The following ANKRD26 variants were observed in gnomAD, a reference collection of about 807,000 sequenced individuals.
ANKRD26 encodes the protein ankyrin repeat domain-containing protein 26.
ANKRD26 carries 141 observed loss-of-function variants against 208.7 expected under a neutral mutation model. The ratio of observed to expected loss-of-function variants is 0.68; its 90% CI spans 0.59 to 0.78. ANKRD26 has a LOEUF of 0.78. Among genes scored for constraint, ANKRD26 ranks in the 30% least tolerant of loss-of-function variants. ANKRD26 has a pLI of 0.00. For synonymous variants in ANKRD26, 636 were observed against 660.4 expected, an observed-to-expected ratio of 0.96 and a Z score of 0.57; for missense variants, 1,889 against 1,938.7, an observed-to-expected ratio of 0.97 and a Z score of 0.48.
At chr10:27,032,965 C>T (rs1169689135) in intron 25 of ANKRD26, among the ~76,000 whole-genome samples, 1 of 151,310 alleles carries the variant, frequency 6.6e-6, no homozygotes, top group African/African-American at 2.4e-5. Context: ...GTCCCAGCTA[C>T]TCGGGAGGCT....
At chr10:26,962,474 C>T in the ANKRD26 span, among the ~76,000 whole-genome samples, 3 of 152,054 alleles carry the variant, frequency 2.0e-5, no homozygotes, top group African/African-American at 7.2e-5. Context: ...ACTCGGTAGG[C>T]TGAGGCAGGA....
At chr10:27,093,603 T>C (rs1305632021) in intron 2 of ANKRD26, 81 bp from the exon 3 acceptor site, 3 of 1,595,776 alleles carry the variant, frequency 1.9e-6, no homozygotes, top group South Asian at 2.2e-5. Flanking sequence ...CAATTAGTTA[T>C]ATTTTAATGA....
chr10:27,056,526 C>A (rs2054845419), intron 15 of ANKRD26, among the ~76,000 whole-genome samples: 1 of 151,562 alleles, frequency 6.6e-6, no homozygotes. Flanking sequence ...GCCTGTAATC[C>A]CCACAATTTG....
At chr10:26,982,037 T>G (rs1050188832) in intron 4 of ANKRD26, among the ~76,000 whole-genome samples, 1 of 152,204 alleles carries the variant, frequency 6.6e-6, no homozygotes, top group Non-Finnish European at 1.5e-5. Context: ...CATGTTTTTG[T>G]CTGGCTCAGT....
At chr10:27,098,938 A>G (rs1275520735) in intron 1 of ANKRD26, among the ~76,000 whole-genome samples, 1 of 152,198 alleles carries the variant, frequency 6.6e-6, no homozygotes, top group Non-Finnish European at 1.5e-5. Context: ...TTGAGATACC[A>G]AAGTATATCC....
chr10:26,966,224 A>G, the ANKRD26 span, among the ~76,000 whole-genome samples: 1 of 152,210 alleles, frequency 6.6e-6, no homozygotes, highest in Non-Finnish European at 1.5e-5. Context: ...AAAGACATGG[A>G]ACCAACCCAA....
At chr10:26,949,388 T>C in the ANKRD26 span, among the ~76,000 whole-genome samples, 1 of 152,042 alleles carries the variant, frequency 6.6e-6, no homozygotes, top group Non-Finnish European at 1.5e-5. Context: ...CATGACATCA[T>C]ATGACCTTGA....
chr10:27,036,170 G>A (rs774535420), intron 23 of ANKRD26, among the ~76,000 whole-genome samples: 1 of 152,002 alleles, frequency 6.6e-6, no homozygotes, highest in Non-Finnish European at 1.5e-5. Flanking sequence ...GAAATTTCCT[G>A]AAGTTTTTCA....
chr10:27,088,215 A>T (rs2056184446), intron 4 of ANKRD26: 1 of 152,240 alleles, frequency 6.6e-6, no homozygotes, highest in African/African-American at 2.4e-5. Context: ...AGATCACCTT[A>T]CATGAATATT....
At chr10:27,093,905 G>T in intron 1 of ANKRD26, 106 bp from the exon 2 acceptor site, 1 of 901,050 alleles carries the variant, frequency 1.1e-6, no homozygotes. Flanking sequence ...TGGTTTGGCT[G>T]TGTCCCCACC....
chr10:27,092,073 C>T (rs1253170886), intron 4 of ANKRD26, among the ~76,000 whole-genome samples: 1 of 151,756 alleles, frequency 6.6e-6, no homozygotes, highest in Non-Finnish European at 1.5e-5. Flanking sequence ...TAACAGATCA[C>T]ATGGCCAAAA....
chr10:27,099,987 G>A lies in ANKRD26; in HGVS notation c.242+98C>T, dbSNP rs550846061. 54 of 1,588,702 alleles carry A rather than the reference G, an allele frequency of 3.4e-5. No homozygotes were observed. The South Asian group carries it at 5.6e-4, about 16-fold the overall frequency. On this transcript the variant is annotated intron_variant, in intron 1 of 33. Coordinates refer to ENST00000376087, the MANE Select transcript of ANKRD26 (RefSeq NM_014915.3). The stretch of plus-strand genomic sequence containing the variant: ...GTCCCAGGGGCTACGGAGCCCGCGG[G>A]AGGCTGATCCAGGCCCTGGGTGGCT...
At chr10:27,046,214 A>C in intron 18 of ANKRD26, 139 bp downstream of exon 18, 5 of 905,326 alleles carry the variant, frequency 5.5e-6, no homozygotes, top group Non-Finnish European at 8.5e-6. Context: ...TGTCAAAGTC[A>C]CTTGTCCTCA....
chr10:27,000,099 C>T (rs886156242), downstream of ANKRD26, among the ~76,000 whole-genome samples: 1 of 151,652 alleles, frequency 6.6e-6, no homozygotes, highest in African/African-American at 2.4e-5. Flanking sequence ...CTGAAACTCA[C>T]AGGAAAAAAG....
At chr10:26,964,210 G>T in the ANKRD26 span, among the ~76,000 whole-genome samples, 1 of 152,030 alleles carries the variant, frequency 6.6e-6, no homozygotes, top group East Asian at 1.9e-4. Flanking sequence ...TGCCTGGCCT[G>T]TTGTATTGTG....
intron 12 of ANKRD26, among the ~76,000 whole-genome samples, chr10:27,062,805 T>C (rs1159958991): frequency 2.0e-5 from 3 of 151,846 alleles, no homozygotes. Flanking sequence ...TCTTGCTCTG[T>C]TGCCCAGGCT....
chr10:26,982,105 ATG>A (rs2134625933), intron 4 of ANKRD26, among the ~76,000 whole-genome samples: 1 of 152,296 alleles, frequency 6.6e-6, no homozygotes. Context: ...GCAGTCAGAT[ATG>A]TGTTTGTCTC....
At chr10:27,065,303 T>C (rs550311064) in intron 11 of ANKRD26, among the ~76,000 whole-genome samples, 256 of 152,280 alleles carry the variant, frequency 1.7e-3, no homozygotes, top group African/African-American at 5.8e-3. Context: ...GCCCCCACCT[T>C]GTATATGCGG....
At position 27,005,202 on chromosome 10, in the gene ANKRD26, T is replaced by C. The variant is rs1266043015; in HGVS notation, c.*388A>G. ...GTAACAATTGTAATACATCCAAACA[T>C]GAACAATGACCACAGTTCCTGCACA... On this transcript the variant is annotated 3_prime_UTR_variant, in exon 34 of 34. Coordinates refer to ENST00000376087, the MANE Select transcript of ANKRD26 (RefSeq NM_014915.3). 1.9e-5 allele frequency: 19 copies of C among 996,038 alleles called. No individual in the cohort carries two copies. The highest frequency in any genetic ancestry group is 2.2e-5 in the Non-Finnish European group (18 of 836,946). 61.7% of individuals were successfully genotyped at this position (996,038 alleles called of 1,614,324 possible). A position where few individuals can be genotyped will look rare whatever the true frequency, so the allele number is the denominator to read the frequency against.
Sources: gnomAD v4.1 joint callset for allele counts (sites outside exome capture counted in the v4.1 genomes callset) on GRCh38, gnomAD v4.1.1 for gene constraint, MANE v1.5 for transcripts, NCBI Gene and HGNC (gene_info 2026-07-23, HGNC 2026-07-21) for gene names.